Variants in KIAA1549 observed in about 807,000 individuals in gnomAD.
The protein encoded by KIAA1549 is UPF0606 protein KIAA1549.
A neutral mutation model predicts 156.4 loss-of-function variants in KIAA1549; 70 were observed. That is an observed-to-expected ratio of 0.45 (90% CI 0.37 to 0.55). The LOEUF is 0.55. Among genes scored for constraint, KIAA1549 ranks in the 20% least tolerant of loss-of-function variants. KIAA1549 has a pLI of 0.00. For synonymous variants in KIAA1549, 1,103 were observed against 1,066.4 expected, an observed-to-expected ratio of 1.03 and a Z score of -0.67; for missense variants, 2,428 against 2,540.9, an observed-to-expected ratio of 0.96 and a Z score of 0.96.
rs1386488094 is a variant in KIAA1549, at chr7:138,918,729, T to C, written c.897A>G (p.Ile299Met). Residue 299 changes from isoleucine to methionine, a missense_variant, in exon 2 of 20, where the codon ATA becomes ATG. Physicochemically the swap from Ile to Met is conservative, Grantham distance 10. Transcript: ENST00000422774. The surrounding 1 kb of genome is among the most constrained non-coding windows in gnomAD (Gnocchi z 4.2). ...MPQPLGDGIT[I>M]PLPSLGEVSQ... ...AGACCTCCCCCAAGGAGGGCAACGG[T>C]ATAGTAATGCCGTCGCCTAACGGCT... 3.1e-6 allele frequency: 5 copies of C among 1,613,638 alleles called. No homozygotes were observed. Among genetic ancestry groups the C allele is most frequent in the Middle Eastern group, 1.6e-4 (1 of 6,082 alleles).
chr7:138,919,351 A>G lies in KIAA1549; in HGVS notation c.275T>C (p.Val92Ala), dbSNP rs762165089. Reference protein sequence around the residue: ...KKSTGHSAAQVALTETAPGSQ... With the variant: ...KKSTGHSAAQAALTETAPGSQ... ...GCCGGGAGCAGTTTCTGTTAAGGCC[A>G]CTTGTGCAGCGCTGTGCCCAGTGCT... The change falls in exon 2 of 20, where the codon GTG (valine) becomes GCG (alanine). Residue 92 changes from valine (V) to alanine (A), a missense_variant. Physicochemically the swap from Val to Ala is moderately conservative, Grantham distance 64. Around this residue, in one of 5 missense-constraint regions of KIAA1549, gnomAD observed 893 missense variants for 847.9 expected, o/e 1.05. Coordinates refer to ENST00000422774, the MANE Select transcript of KIAA1549 (RefSeq NM_001164665.2). The G allele has an allele frequency of 6.2e-7, 1 of 1,613,998 alleles. No individual in the cohort carries two copies. Among genetic ancestry groups the G allele is most frequent in the Admixed American group, 1.7e-5 (1 of 60,026 alleles).
rs369258753 is a variant in KIAA1549 at position 138,916,909 on chromosome 7, C to T, written c.2717G>A (p.Ser906Asn). The T allele has an allele frequency of 1.9e-6, 3 of 1,613,226 alleles. No homozygotes were observed. The highest frequency in any genetic ancestry group is 1.3e-5 in the African/African-American group (1 of 75,036). Residue 906 changes from serine (S) to asparagine (N), a missense_variant, in exon 2 of 20, where the codon AGT becomes AAT. Transcript: ENST00000422774. ...AGCACTACTCTCTGGGGGGCTCTGA[C>T]TTGCGGCGTCACCCATCAGGGTGGA... ...LDSTLMGDAA[S>N]QSPPESSAAP...
chr7:138,959,019 C>T (rs1315572538), intron 1 of KIAA1549, among the ~76,000 whole-genome samples: 1 of 152,124 alleles, frequency 6.6e-6, no homozygotes, highest in African/African-American at 2.4e-5. Flanking sequence ...CCTGCCTCAG[C>T]CCCCCGAGTA....
rs1266140340 is a variant in KIAA1549, at chr7:138,903,838, TGTGTGTGTGTGTGTGCGCGCGC to T, written c.3521-124_3521-103del. ...GTGTGTGTGTGTGTGTGTGTGTGTG[TGTGTGTGTGTGTGTGCGCGCGC>T]GCGCGCGCGCACATATGTATTTGAA... On this transcript the variant is annotated intron_variant, in intron 7 of 19. Transcript: ENST00000422774. The T allele has an allele frequency of 1.3e-4, 67 of 534,392 alleles. 1 individual carries two copies. Among genetic ancestry groups the T allele is most frequent in the Admixed American group, 1.1e-3 (26 of 23,052 alleles). The allele number at this position is 534,392 out of a possible 1,614,324, so 33.1% of individuals were successfully genotyped here. A position where few individuals can be genotyped will look rare whatever the true frequency, so the allele number is the denominator to read the frequency against.
Position 138,909,000 on chromosome 7 carries a change from G to T in KIAA1549, c.3267C>A (p.Leu1089=). Residue 1089 remains leucine (L), a synonymous_variant, in exon 5 of 20, where the codon CTC becomes CTA. Transcript: ENST00000422774. ...TCAGTGATATTCTCACCTGCACCGT[G>T]AGGTTATACGTTCCCTGGTGGTGTT... ...VRKHHQGTYN[L]TVQILNITIS... 6.2e-7 allele frequency: 1 copy of T among 1,614,010 alleles called. No individual in the cohort carries two copies. Among genetic ancestry groups the T allele is most frequent in the Non-Finnish European group, 8.5e-7 (1 of 1,179,886 alleles).
chr7:138,942,865 G>C (rs1035560327), intron 1 of KIAA1549, among the ~76,000 whole-genome samples: 1 of 151,848 alleles, frequency 6.6e-6, no homozygotes, highest in Admixed American at 6.6e-5. Context: ...AGCCGAGATC[G>C]TGCCACTGCA....
intron 10 of KIAA1549, among the ~76,000 whole-genome samples, chr7:138,893,458 C>G (rs1811598507): frequency 6.6e-6 from 1 of 152,142 alleles, no homozygotes; most frequent in South Asian, 2.1e-4. Flanking sequence ...AAACTGGAAC[C>G]TGAAACTGAC....
intron 1 of KIAA1549, among the ~76,000 whole-genome samples, chr7:138,926,296 C>CTT (rs5887911): frequency 4.0e-5 from 6 of 150,036 alleles, no homozygotes; most frequent in African/African-American, 1.5e-4. Flanking sequence ...TTTTCTTTTT[C>CTT]TTTTTTTTTG....
At chr7:138,979,869 C>G (rs996439944) in intron 1 of KIAA1549, among the ~76,000 whole-genome samples, 6 of 152,170 alleles carry the variant, frequency 3.9e-5, no homozygotes, top group Admixed American at 6.5e-5. Flanking sequence ...GGGTGGGAGG[C>G]AGGGAAAGTG....
At chr7:138,842,544 G>A (rs956820225) in intron 18 of KIAA1549, among the ~76,000 whole-genome samples, 1 of 152,104 alleles carries the variant, frequency 6.6e-6, no homozygotes, top group Non-Finnish European at 1.5e-5. Flanking sequence ...AAAATTAGCC[G>A]GACGCAGTGG....
chr7:138,913,988 GA>G (rs1812242356), intron 2 of KIAA1549, among the ~76,000 whole-genome samples: 1 of 147,612 alleles, frequency 6.8e-6, no homozygotes. Flanking sequence ...AGGAGGGAGG[GA>G]GAGGAGGGAG....
chr7:138,923,141 T>C lies in KIAA1549; in HGVS notation c.188-3703A>G, dbSNP rs565243795. ...TCCTCAAGTGCTGAGAGAAACTCTC[T>C]GACATCTCAGAGGTGAATAACCAGG... On this transcript the variant is annotated intron_variant, in intron 1 of 19. Transcript: ENST00000422774. Among the ~76,000 whole-genome samples, 11 of 152,350 alleles carry C rather than the reference T, an allele frequency of 7.2e-5. No homozygotes were observed. In the South Asian group the frequency reaches 2.3e-3, roughly 32 times the overall value.
intron 9 of KIAA1549, among the ~76,000 whole-genome samples, chr7:138,898,262 A>G (rs1584739384): frequency 6.7e-6 from 1 of 148,858 alleles, no homozygotes; most frequent in Admixed American, 6.7e-5. Flanking sequence ...AGCCGAGATC[A>G]CACCACTGCA....
intron 10 of KIAA1549, among the ~76,000 whole-genome samples, chr7:138,882,064 C>T (rs6973895): frequency 0.66 from 100,077 of 152,156 alleles, 34,501 homozygotes; most frequent in African/African-American, 0.88. Context: ...AAGTCCAGTC[C>T]GTATATGGAT....
rs1232288013 is a variant in KIAA1549, at chr7:138,909,111, A to G, written c.3156T>C (p.Phe1052=). The G allele has an allele frequency of 6.2e-7, 1 of 1,613,198 alleles. No homozygotes were observed. Among genetic ancestry groups the G allele is most frequent in the Non-Finnish European group, 8.5e-7 (1 of 1,179,494 alleles). ...SRFQVQTVLQ[F]VPPSVDTGFC... Reference sequence around the variant, plus strand: ...AGCCAGTATCCACACTCGGAGGCACAAACTGAAGTACTGAAAAGAAAAGCA... The same window carrying G: ...AGCCAGTATCCACACTCGGAGGCACGAACTGAAGTACTGAAAAGAAAAGCA... The change falls in exon 5 of 20, where the codon TTT becomes TTC. Residue 1052 remains phenylalanine, a synonymous_variant. Transcript: ENST00000422774.
In KIAA1549 at chr7:138,832,298, G is replaced by A. The variant is rs1157451272; in HGVS notation, c.*5608C>T. The stretch of plus-strand genomic sequence containing the variant: ...TGCAGCCTCCAACTCATTGGCTCAA[G>A]CGATCCTCCAGTCTTAGCCTTTCGA... On this transcript the variant is annotated 3_prime_UTR_variant, in exon 20 of 20. Coordinates refer to ENST00000422774, the MANE Select transcript of KIAA1549 (RefSeq NM_001164665.2). The A allele has an allele frequency of 5.1e-6, 1 of 196,872 alleles. No individual in the cohort carries two copies. Among genetic ancestry groups the A allele is most frequent in the Admixed American group, 6.2e-5 (1 of 16,216 alleles). The allele number at this position is 196,872 out of a possible 1,614,324, so 12.2% of individuals were successfully genotyped here.
chr7:138,912,824 C>T (rs761598568), intron 2 of KIAA1549, among the ~76,000 whole-genome samples: 2 of 152,116 alleles, frequency 1.3e-5, no homozygotes, highest in African/African-American at 2.4e-5. Context: ...GGCTGTCTCT[C>T]GGCTATGTCC....
At position 138,833,782 on chromosome 7, in the gene KIAA1549, A is replaced by C. The variant is rs1809616171; in HGVS notation, c.*4124T>G. On this transcript the variant is annotated 3_prime_UTR_variant, in exon 20 of 20. Coordinates refer to ENST00000422774, the MANE Select transcript of KIAA1549 (RefSeq NM_001164665.2). The stretch of plus-strand genomic sequence containing the variant: ...CAATGACCTCAGTGTCATTCTCATC[A>C]TTTTCGTCCTCTTCCCTTGCCTCCC... 4.3e-6 allele frequency: 1 copy of C among 232,968 alleles called. No individual in the cohort carries two copies. Among genetic ancestry groups the C allele is most frequent in the Admixed American group, 5.6e-5 (1 of 17,764 alleles). The allele number at this position is 232,968 out of a possible 1,614,324, so 14.4% of individuals were successfully genotyped here.
Position 138,962,526 on chromosome 7 carries a change from A to G in KIAA1549, c.187+18557T>C, listed in dbSNP as rs531932218. ...CTAGCTCCTGCTTCATTCCCCTTAG[A>G]AGCCAGCGGCCCCATATGAAGTCCT... On this transcript the variant is annotated intron_variant, in intron 1 of 19. Coordinates refer to ENST00000422774, the MANE Select transcript of KIAA1549 (RefSeq NM_001164665.2). Among the ~76,000 whole-genome samples, 175 of 152,256 alleles carry G rather than the reference A, an allele frequency of 1.1e-3. 1 individual carries two copies. Among genetic ancestry groups the G allele is most frequent in the African/African-American group, 4.1e-3 (170 of 41,550 alleles).
Sources: gnomAD v4.1 joint callset for allele counts (sites outside exome capture counted in the v4.1 genomes callset) on GRCh38, gnomAD v4.1.1 for gene constraint, gnomAD v4.1.1 regional missense constraint, Gnocchi (gnomAD v3.1) non-coding constraint, MANE v1.5 for transcripts, NCBI Gene and HGNC (gene_info 2026-07-23, HGNC 2026-07-21) for gene names.